WNT6: variants seen among roughly 807,000 people sequenced by gnomAD.
WNT6 encodes the protein Wnt family member 6, also known as protein Wnt-6.
Under a neutral mutation model 33.1 loss-of-function variants are expected in WNT6, and 27 were observed. That is an observed-to-expected ratio of 0.82 (90% CI 0.60 to 1.12). The LOEUF is 1.12. Among genes scored for constraint, WNT6 ranks in the 50% most tolerant of loss-of-function variants. The pLI is 0.00. For missense variants in WNT6, 494 were observed against 535.3 expected, an observed-to-expected ratio of 0.92 and a Z score of 0.76; for synonymous variants, 249 against 242.8, an observed-to-expected ratio of 1.03 and a Z score of -0.24.
Position 218,859,897 on chromosome 2 carries a change from C to T in WNT6, c.-141C>T. On this transcript the variant is annotated 5_prime_UTR_variant, in exon 1 of 4. Coordinates refer to ENST00000233948, the MANE Select transcript of WNT6 (RefSeq NM_006522.4). ...CGCCCTCCTCGCCCGGGATGGGCCC[C>T]CCCGCCGCCGCCGGATCCCTCGCCT... 5 of 531,086 alleles carry T rather than the reference C, an allele frequency of 9.4e-6. No individual in the cohort carries two copies. The highest frequency in any genetic ancestry group is 1.3e-5 in the Non-Finnish European group (5 of 394,032). The allele number at this position is 531,086 out of a possible 1,614,324, so 32.9% of individuals were successfully genotyped here. A position where few individuals can be genotyped will look rare whatever the true frequency, so the allele number is the denominator to read the frequency against.
rs568220097 is a variant in WNT6, at chr2:218,862,384, C to T, written c.80+2267C>T. Among the ~76,000 whole-genome samples, 223 of 152,208 alleles carry T rather than the reference C, an allele frequency of 1.5e-3. 1 individual carries two copies. The highest frequency in any genetic ancestry group is 5.1e-3 in the African/African-American group (211 of 41,526). ...TATTTAGAGCAGAGTCTCGTTCTGT[C>T]GCCCAGGCTGGAGTGCAGTGGTGCG... On this transcript the variant is annotated intron_variant, in intron 1 of 3. Coordinates refer to ENST00000233948, the MANE Select transcript of WNT6 (RefSeq NM_006522.4).
At chr2:218,862,060 G>A (rs1008229079) in intron 1 of WNT6, among the ~76,000 whole-genome samples, 1 of 152,314 alleles carries the variant, frequency 6.6e-6, no homozygotes, top group Admixed American at 6.5e-5. Context: ...GGACTGCTGG[G>A]TGGCAGCCAA....
chr2:218,866,688 C>T (rs941688015), intron 1 of WNT6, among the ~76,000 whole-genome samples: 3 of 152,244 alleles, frequency 2.0e-5, no homozygotes, highest in African/African-American at 7.2e-5. Context: ...TCTCATCATC[C>T]ATCTAATGAA....
intron 1 of WNT6, among the ~76,000 whole-genome samples, chr2:218,861,535 C>G (rs1373425667): frequency 6.6e-6 from 1 of 152,150 alleles, no homozygotes; most frequent in East Asian, 1.9e-4. Flanking sequence ...ATGTACAGCG[C>G]CCCCCTCACA....
At chr2:218,865,741 A>G (rs1045887949) in intron 1 of WNT6, among the ~76,000 whole-genome samples, 2 of 152,156 alleles carry the variant, frequency 1.3e-5, no homozygotes, top group Non-Finnish European at 2.9e-5. Flanking sequence ...ATGGGCGAGC[A>G]GAGGGCCCAG....
chr2:218,861,870 T>C (rs1944312828), intron 1 of WNT6, among the ~76,000 whole-genome samples: 1 of 152,180 alleles, frequency 6.6e-6, no homozygotes, highest in Admixed American at 6.5e-5. Flanking sequence ...GGTTACTGCA[T>C]TTGGCTGACA....
chr2:218,865,559 T>C (rs1366328466), intron 1 of WNT6, among the ~76,000 whole-genome samples: 3 of 152,210 alleles, frequency 2.0e-5, no homozygotes, highest in East Asian at 3.9e-4. Flanking sequence ...AGAAGATGAC[T>C]TGCCCCTGGC....
At chr2:218,862,496 C>A (rs1164605627) in intron 1 of WNT6, among the ~76,000 whole-genome samples, 1 of 151,972 alleles carries the variant, frequency 6.6e-6, no homozygotes, top group Non-Finnish European at 1.5e-5. Flanking sequence ...CAGGCACCCA[C>A]CACCATGCCT....
intron 1 of WNT6, among the ~76,000 whole-genome samples, chr2:218,864,542 C>T (rs111698462): frequency 6.3e-4 from 96 of 152,318 alleles, no homozygotes; most frequent in African/African-American, 2.1e-3. Flanking sequence ...GCTGGGATAA[C>T]AGGCGTGAGC....
At chr2:218,862,173 C>T (rs895212801) in intron 1 of WNT6, among the ~76,000 whole-genome samples, 7 of 152,036 alleles carry the variant, frequency 4.6e-5, no homozygotes, top group Non-Finnish European at 8.8e-5. Flanking sequence ...ACACAGAGGC[C>T]TTCATGGCCA....
In WNT6 at chr2:218,873,252, C is replaced by A; in HGVS notation, c.637-132C>A. ...CCTTGATTTCCTCCCCCTGAACTTG[C>A]GGTCTCCTTTTGTCTGCATTTTCCT... On this transcript the variant is annotated intron_variant, in intron 3 of 3. Transcript: ENST00000233948. The surrounding 1 kb of genome is among the most constrained non-coding windows in gnomAD (Gnocchi z 6.1). 6 of 865,682 alleles carry A rather than the reference C, an allele frequency of 6.9e-6. No individual in the cohort carries two copies. Among genetic ancestry groups the A allele is most frequent in the Non-Finnish European group, 6.9e-6 (4 of 578,782 alleles). The allele number at this position is 865,682 out of a possible 1,614,324, so 53.6% of individuals were successfully genotyped here.
chr2:218,874,050 A>C lies in WNT6; in HGVS notation c.*205A>C. On this transcript the variant is annotated 3_prime_UTR_variant, in exon 4 of 4. Coordinates refer to ENST00000233948, the MANE Select transcript of WNT6 (RefSeq NM_006522.4). ...GCCCAGGGCGCCAGACGGCCCCGAA[A>C]AGGCGCTCGGGGAGCGTTTAAAGGA... The C allele has an allele frequency of 1.7e-6, 1 of 584,192 alleles. No individual in the cohort carries two copies. Among genetic ancestry groups the C allele is most frequent in the Non-Finnish European group, 2.8e-6 (1 of 355,474 alleles). 36.2% of individuals were successfully genotyped at this position (584,192 alleles called of 1,614,324 possible).
At position 218,873,370 on chromosome 2, in the gene WNT6, T is replaced by C; in HGVS notation, c.637-14T>C. On this transcript the variant is annotated splice_polypyrimidine_tract_variant and intron_variant, in intron 3 of 3. Coordinates refer to ENST00000233948, the MANE Select transcript of WNT6 (RefSeq NM_006522.4). This position sits in a 1 kb window ranked among gnomAD's most constrained non-coding sequence, Gnocchi z 6.1. Reference sequence around the variant, plus strand: ...CTACCTGTCCACATGCGTCCGCCCCTCTGCCTCCCGCAGGCCGTGCGGAGC... The same window carrying C: ...CTACCTGTCCACATGCGTCCGCCCCCCTGCCTCCCGCAGGCCGTGCGGAGC... 6.5e-7 allele frequency: 1 copy of C among 1,531,770 alleles called. No homozygotes were observed. The highest frequency in any genetic ancestry group is 1.2e-5 in the South Asian group (1 of 83,752). The allele number at this position is 1,531,770 out of a possible 1,614,324, so 94.9% of individuals were successfully genotyped here.
At chr2:218,865,299 C>A (rs1301874584) in intron 1 of WNT6, among the ~76,000 whole-genome samples, 3 of 152,180 alleles carry the variant, frequency 2.0e-5, no homozygotes, top group Non-Finnish European at 2.9e-5. Context: ...AGTGAAAGCA[C>A]CCCCAGCCTG....
In WNT6 at chr2:218,860,000, C is replaced by G. The variant is rs776055363; in HGVS notation, c.-38C>G. ...CGCGCCGCGGTTCGCCCCGCAGCCT[C>G]GCCCCCTGCCCACCCGGGCGGCCGT... On this transcript the variant is annotated 5_prime_UTR_variant, in exon 1 of 4. Coordinates refer to ENST00000233948, the MANE Select transcript of WNT6 (RefSeq NM_006522.4). 2 of 1,395,004 alleles carry G rather than the reference C, an allele frequency of 1.4e-6. No individual in the cohort carries two copies. Among genetic ancestry groups the G allele is most frequent in the South Asian group, 3.0e-5 (2 of 67,094 alleles). The allele number at this position is 1,395,004 out of a possible 1,614,324, so 86.4% of individuals were successfully genotyped here.
At position 218,871,201 on chromosome 2, in the gene WNT6, G is replaced by A; in HGVS notation, c.255G>A (p.Trp85Ter). ...ECQFQFRFRR[W>*]NCSSHSKAFG... is the part of the protein sequence containing the mutation. ...AGTTCCAGTTCCGCTTCCGCCGCTG[G>A]AATTGCTCCAGCCACAGCAAGGCCT... Residue 85 changes from tryptophan (W) to a stop codon, truncating the protein, a stop_gained, in exon 2 of 4, where the codon TGG becomes TGA. Transcript: ENST00000233948. LOFTEE classifies it high-confidence loss of function. This position sits in a 1 kb window ranked among gnomAD's most constrained non-coding sequence, Gnocchi z 6.4. The A allele has an allele frequency of 1.2e-6, 2 of 1,613,532 alleles. No individual in the cohort carries two copies. The highest frequency in any genetic ancestry group is 1.7e-6 in the Non-Finnish European group (2 of 1,179,856).
At chr2:218,863,058 C>G (rs1391086588) in intron 1 of WNT6, among the ~76,000 whole-genome samples, 1 of 152,182 alleles carries the variant, frequency 6.6e-6, no homozygotes, top group Non-Finnish European at 1.5e-5. Flanking sequence ...ATCCCCTTCC[C>G]CTGGATCTTT....
In WNT6 at chr2:218,871,350, C is replaced by A. The variant is rs1275170006; in HGVS notation, c.301+103C>A. ...GAAGTTGCCTGAGCCCCACTTCCCCCTCACATGTGTCTGGGCACCCTGCAA... is the reference window on the plus strand; with the variant it reads ...GAAGTTGCCTGAGCCCCACTTCCCCATCACATGTGTCTGGGCACCCTGCAA... On this transcript the variant is annotated intron_variant, in intron 2 of 3. Coordinates refer to ENST00000233948, the MANE Select transcript of WNT6 (RefSeq NM_006522.4). The surrounding 1 kb of genome is among the most constrained non-coding windows in gnomAD (Gnocchi z 6.4). The A allele has an allele frequency of 6.7e-7, 1 of 1,488,078 alleles. No individual in the cohort carries two copies. Among genetic ancestry groups the A allele is most frequent in the Non-Finnish European group, 9.1e-7 (1 of 1,094,062 alleles). 92.2% of individuals were successfully genotyped at this position (1,488,078 alleles called of 1,614,324 possible). A position where few individuals can be genotyped will look rare whatever the true frequency, so the allele number is the denominator to read the frequency against.
At chr2:218,866,068 G>A (rs956105341) in intron 1 of WNT6, among the ~76,000 whole-genome samples, 3 of 34,804 alleles carry the variant, frequency 8.6e-5, no homozygotes, top group Admixed American at 3.7e-4. Context: ...CAGGACAGGC[G>A]GGCGGGCACA....
Sources: gnomAD v4.1 joint callset for allele counts (sites outside exome capture counted in the v4.1 genomes callset) on GRCh38, gnomAD v4.1.1 for gene constraint, Gnocchi (gnomAD v3.1) non-coding constraint, MANE v1.5 for transcripts, NCBI Gene and HGNC (gene_info 2026-07-23, HGNC 2026-07-21) for gene names.